Variants in NLRP4 observed in about 807,000 individuals in gnomAD.
NLRP4 encodes NLR family pyrin domain containing 4, also known as NACHT, LRR and PYD domains-containing protein 4.
In NLRP4, 44 loss-of-function variants were observed where a neutral mutation model predicts 84.7. The observed-to-expected ratio is 0.52, with a 90% CI of 0.41 to 0.67. The LOEUF (loss-of-function observed/expected upper bound fraction) is 0.67. Among genes scored for constraint, NLRP4 ranks in the 30% least tolerant of loss-of-function variants. The pLI, the probability that NLRP4 is intolerant of heterozygous loss-of-function variation, is 0.00. For missense variants in NLRP4, 1,260 were observed against 1,219.4 expected (o/e 1.03, Z -0.50); for synonymous variants, 544 against 476.4 (o/e 1.14, Z -1.85).
At chr19:55,873,841 T>C (rs1221210842) in intron 7 of NLRP4, among the ~76,000 whole-genome samples, 1 of 152,098 alleles carries the variant, frequency 6.6e-6, no homozygotes, top group Non-Finnish European at 1.5e-5. Context: ...TCCAGGAATC[T>C]AAGAGAAATC....
In NLRP4 at chr19:55,870,641, C is replaced by T. The variant is rs1197219868; in HGVS notation, c.2355-186C>T. 7.9e-5 allele frequency among the ~76,000 whole-genome samples: 12 copies of T among 152,068 alleles called. No homozygotes were observed. In the East Asian group the frequency reaches 1.3e-3, roughly 17 times the overall value. On this transcript the variant is annotated intron_variant, in intron 6 of 9. Transcript: ENST00000301295. ...TCGCGCCGTTGCATTCCAGCCCGGG[C>T]GACGACAGCAAAACTCCATCTCAAA... is the stretch of plus-strand genomic sequence containing the variant.
At chr19:55,863,523 A>G (rs1984841334) in intron 5 of NLRP4, among the ~76,000 whole-genome samples, 1 of 151,834 alleles carries the variant, frequency 6.6e-6, no homozygotes, top group Non-Finnish European at 1.5e-5. Flanking sequence ...TCGCGTGAGG[A>G]CTCTGTCACA....
chr19:55,837,275 G>T (rs1456109065), intron 1 of NLRP4, among the ~76,000 whole-genome samples: 1 of 152,010 alleles, frequency 6.6e-6, no homozygotes, highest in Non-Finnish European at 1.5e-5. Context: ...CTTAATACCT[G>T]GGAGATGAAA....
At chr19:55,855,084 G>C (rs913858990) in intron 2 of NLRP4, among the ~76,000 whole-genome samples, 2 of 151,996 alleles carry the variant, frequency 1.3e-5, no homozygotes, top group East Asian at 3.9e-4. Flanking sequence ...GGTGTCACAC[G>C]CTGAGGTCTC....
Position 55,852,252 on chromosome 19 carries a change from C to T in NLRP4, c.172C>T (p.Leu58Phe), listed in dbSNP as rs1195564914. 1 of 1,609,208 alleles carries T rather than the reference C, an allele frequency of 6.2e-7. No homozygotes were observed. The highest frequency in any genetic ancestry group is 8.5e-7 in the Non-Finnish European group (1 of 1,178,420). Reference sequence around the variant, plus strand: ...AGCATCCCGGGAAGAACTTGCAAACCTCTTGATCAAGCACTATGAAGAACA... The same window carrying T: ...AGCATCCCGGGAAGAACTTGCAAACTTCTTGATCAAGCACTATGAAGAACA... ...KKASREELAN[L>F]LIKHYEEQQA... is the part of the protein sequence containing the mutation. The change falls in exon 2 of 10, where the codon CTC becomes TTC. Residue 58 changes from leucine to phenylalanine, a missense_variant. Leu to Phe is a conservative substitution (Grantham distance 22, BLOSUM62 0). Coordinates refer to ENST00000301295, the MANE Select transcript of NLRP4 (RefSeq NM_134444.5).
In NLRP4 at chr19:55,861,996, A is replaced by C. The variant is rs778909410; in HGVS notation, c.2023A>C (p.Asn675His). ...PSCRLQKLGINNVSFSGQSVL... is the reference protein window; with the variant it reads ...PSCRLQKLGIHNVSFSGQSVL... The stretch of plus-strand genomic sequence containing the variant: ...AAATTTTCTTTGTTTTTGCAGAATA[A>C]ATAACGTTTCCTTTTCTGGCCAGAG... Residue 675 changes from asparagine to histidine, a missense_variant, in exon 5 of 10, where the codon AAT (asparagine) becomes CAT (histidine). Asn to His is a moderately conservative substitution (Grantham distance 68, BLOSUM62 1). Around this residue, in one of 3 missense-constraint regions of NLRP4, gnomAD observed 544 missense variants for 531.7 expected, o/e 1.02. Transcript: ENST00000301295. 11 of 1,613,044 alleles carry C rather than the reference A, an allele frequency of 6.8e-6. No individual in the cohort carries two copies. The South Asian group carries it at 1.2e-4, about 18-fold the overall frequency.
chr19:55,859,949 A>AAAC (rs1984670455), intron 3 of NLRP4, among the ~76,000 whole-genome samples: 1 of 106,534 alleles, frequency 9.4e-6, no homozygotes, highest in African/African-American at 2.9e-5. Flanking sequence ...AAAAAAAAAA[A>AAAC]AAACAAAACA....
Position 55,858,252 on chromosome 19 carries a change from C to T in NLRP4, c.859C>T (p.Leu287Phe), listed in dbSNP as rs1418547926. Residue 287 changes from leucine to phenylalanine, a missense_variant, in exon 3 of 10, where the codon CTC becomes TTC. By Grantham distance (22) the Leu-to-Phe change is conservative (BLOSUM62 0). Coordinates refer to ENST00000301295, the MANE Select transcript of NLRP4 (RefSeq NM_134444.5). The surrounding 1 kb of genome is among the most constrained non-coding windows in gnomAD (Gnocchi z 4.2). The part of the protein sequence containing the change: ...IAIKPVCPKE[L>F]RDQVTISEIY... ...TATCAAACCCGTGTGCCCGAAGGAGCTCCGGGATCAGGTGACGATCTCAGA... is the reference window on the plus strand; with the variant it reads ...TATCAAACCCGTGTGCCCGAAGGAGTTCCGGGATCAGGTGACGATCTCAGA... 4.3e-6 allele frequency: 7 copies of T among 1,614,052 alleles called. No homozygotes were observed. The African/African-American group carries it at 9.3e-5, about 22-fold the overall frequency.
At chr19:55,853,937 CTCTT>C (rs998053495) in intron 2 of NLRP4, among the ~76,000 whole-genome samples, 12 of 137,870 alleles carry the variant, frequency 8.7e-5, no homozygotes, top group Admixed American at 1.4e-4. Flanking sequence ...CTTTCTCTCT[CTCTT>C]TCTGTCTTTC....
intron 1 of NLRP4, among the ~76,000 whole-genome samples, chr19:55,850,347 T>G (rs866014899): frequency 2.2e-5 from 1 of 46,260 alleles, no homozygotes; most frequent in African/African-American, 4.6e-4. Flanking sequence ...GCGGTGTAAT[T>G]TCCGAGGCTG....
At chr19:55,851,932 C>T in intron 1 of NLRP4, 84 bp from the exon 2 acceptor site, 1 of 632,440 alleles carries the variant, frequency 1.6e-6, no homozygotes, top group Non-Finnish European at 2.7e-6. Flanking sequence ...ATTGCCATCC[C>T]CCCAGTACTA....
chr19:55,841,183 T>C (rs1302528143), intron 1 of NLRP4, among the ~76,000 whole-genome samples: 1 of 152,214 alleles, frequency 6.6e-6, no homozygotes, highest in Non-Finnish European at 1.5e-5. Context: ...TCCGCCACAC[T>C]GTTATTTGCT....
Position 55,857,690 on chromosome 19 carries a change from T to C in NLRP4, c.297T>C (p.Tyr99=). 1 of 1,613,208 alleles carries C rather than the reference T, an allele frequency of 6.2e-7. No individual in the cohort carries two copies. Among genetic ancestry groups the C allele is most frequent in the Non-Finnish European group, 8.5e-7 (1 of 1,179,912 alleles). The change falls in exon 3 of 10, where the codon TAT becomes TAC. Residue 99 remains tyrosine, a synonymous_variant. Coordinates refer to ENST00000301295, the MANE Select transcript of NLRP4 (RefSeq NM_134444.5). ...CTGACTCAGGATACACAAAGACCTA[T>C]CAAGCTCACGCAAAGCAGAAATTCA... The part of the protein sequence containing the change: ...MRERTGYTKT[Y]QAHAKQKFSR...
In NLRP4 at chr19:55,858,235, C is replaced by T. The variant is rs866558470; in HGVS notation, c.842C>T (p.Pro281Leu). The T allele has an allele frequency of 3.1e-6, 5 of 1,614,008 alleles. No homozygotes were observed. The highest frequency in any genetic ancestry group is 4.2e-6 in the Non-Finnish European group (5 of 1,180,028). ...GCCTCCCTGCTCATCGCTATCAAAC[C>T]CGTGTGCCCGAAGGAGCTCCGGGAT... ...PEASLLIAIK[P>L]VCPKELRDQV... The change falls in exon 3 of 10, where the codon CCC (proline) becomes CTC (leucine). Residue 281 changes from proline to leucine, a missense_variant. Pro to Leu is a moderately conservative substitution (Grantham distance 98). Transcript: ENST00000301295. This position sits in a 1 kb window ranked among gnomAD's most constrained non-coding sequence, Gnocchi z 4.2.
At chr19:55,861,323 T>C (rs984503858) in intron 3 of NLRP4, 63 bp from the exon 4 acceptor site, 4 of 1,400,320 alleles carry the variant, frequency 2.9e-6, no homozygotes, top group Non-Finnish European at 4.0e-6. Flanking sequence ...AGTGCGTATA[T>C]GTGTTACAAG....
chr19:55,846,118 A>T (rs1983783421), intron 1 of NLRP4, among the ~76,000 whole-genome samples: 1 of 152,162 alleles, frequency 6.6e-6, no homozygotes, highest in Non-Finnish European at 1.5e-5. Context: ...CTGAATGGTA[A>T]TGCCTAGGTT....
At chr19:55,879,678 C>T (rs1460762182) in intron 9 of NLRP4, among the ~76,000 whole-genome samples, 1 of 152,112 alleles carries the variant, frequency 6.6e-6, no homozygotes, top group Admixed American at 6.6e-5. Context: ...CTTCGCGCTC[C>T]CTTATTTATG....
At position 55,881,619 on chromosome 19, in the gene NLRP4, C is replaced by A; in HGVS notation, c.*32C>A. The stretch of plus-strand genomic sequence containing the variant: ...GGAACCTGGGCTCTGACTCGAACAC[C>A]TGCAAAGGACAGGGACTGGGACCGT... On this transcript the variant is annotated 3_prime_UTR_variant, in exon 10 of 10. Transcript: ENST00000301295. 9.7e-7 allele frequency: 1 copy of A among 1,027,626 alleles called. No individual in the cohort carries two copies. Among genetic ancestry groups the A allele is most frequent in the African/African-American group, 1.6e-5 (1 of 63,708 alleles). 63.7% of individuals were successfully genotyped at this position (1,027,626 alleles called of 1,614,324 possible).
chr19:55,845,615 A>G (rs1000938350), intron 1 of NLRP4, among the ~76,000 whole-genome samples: 2 of 151,896 alleles, frequency 1.3e-5, no homozygotes, highest in African/African-American at 4.8e-5. Flanking sequence ...GACTTCCACA[A>G]TGGTTGAACT....
Sources: allele counts gnomAD v4.1 joint callset (sites outside exome capture counted in the v4.1 genomes callset), GRCh38; gene constraint gnomAD v4.1.1; regional missense constraint gnomAD v4.1.1; non-coding constraint Gnocchi (gnomAD v3.1); transcripts MANE v1.5; gene names NCBI Gene and HGNC (gene_info 2026-07-23, HGNC 2026-07-21).